Variants in UBR1 observed in about 807,000 individuals in gnomAD.
The protein encoded by UBR1 is E3 ubiquitin-protein ligase UBR1.
A neutral mutation model predicts 242.1 loss-of-function variants in UBR1; 102 were observed. The observed-to-expected ratio is 0.42, with a 90% CI of 0.36 to 0.50. UBR1 has a LOEUF of 0.50. UBR1 is among the 20% of genes least tolerant of loss of function. The pLI, the probability that UBR1 is intolerant of heterozygous loss-of-function variation, is 0.01. For synonymous variants in UBR1, 675 were observed against 684.8 expected (o/e 0.99, Z 0.22); for missense variants, 1,772 against 2,101.8 (o/e 0.84, Z 3.07).
intron 27 of UBR1, chr15:43,021,035 T>C (rs1473975315): frequency 7.3e-6 from 3 of 410,558 alleles, no homozygotes; most frequent in Non-Finnish European, 1.3e-5. Context: ...TAAGTGAGCA[T>C]GGCACATGGT....
chr15:43,002,380 A>G (rs1195541548), intron 32 of UBR1, among the ~76,000 whole-genome samples, 175 bp downstream of exon 32: 1 of 151,560 alleles, frequency 6.6e-6, no homozygotes, highest in East Asian at 1.9e-4. Flanking sequence ...ACACCTGGCT[A>G]ATTTTTTTTT....
At chr15:43,065,016 A>G (rs1276137100) in intron 6 of UBR1, among the ~76,000 whole-genome samples, 1 of 152,218 alleles carries the variant, frequency 6.6e-6, no homozygotes. Flanking sequence ...GACAGGGTAT[A>G]AATATATATT....
At chr15:42,959,387 A>G (rs1211350862) in intron 43 of UBR1, among the ~76,000 whole-genome samples, 1 of 152,176 alleles carries the variant, frequency 6.6e-6, no homozygotes, top group Non-Finnish European at 1.5e-5. Flanking sequence ...ATACTCAGCT[A>G]AAAATGATCT....
Position 43,070,823 on chromosome 15 carries a change from T to C in UBR1, c.631A>G (p.Lys211Glu). 1.2e-6 allele frequency: 2 copies of C among 1,613,778 alleles called. No homozygotes were observed. Among genetic ancestry groups the C allele is most frequent in the Non-Finnish European group, 1.7e-6 (2 of 1,179,978 alleles). Residue 211 changes from lysine (K) to glutamate (E), a missense_variant, in exon 5 of 47, where the codon AAA (lysine) becomes GAA (glutamate). Physicochemically the swap from Lys to Glu is moderately conservative, Grantham distance 56. This residue lies in a region of UBR1 where 734 missense variants were observed against 893.3 expected (regional missense o/e 0.82). Coordinates refer to ENST00000290650, the MANE Select transcript of UBR1 (RefSeq NM_174916.3). ...VVEMTIWEEE[K>E]ELPPELQIRE... ...ATCTGGAGTTCAGGAGGCAGTTCTTTTTCCTCTTCCCATATAGTCATTTCT... is the reference window on the plus strand; with the variant it reads ...ATCTGGAGTTCAGGAGGCAGTTCTTCTTCCTCTTCCCATATAGTCATTTCT...
At position 43,017,185 on chromosome 15, in the gene UBR1, T is replaced by C. The variant is rs762180609; in HGVS notation, c.2941-4A>G. The C allele has an allele frequency of 1.9e-6, 3 of 1,608,390 alleles. No homozygotes were observed. Among genetic ancestry groups the C allele is most frequent in the East Asian group, 4.5e-5 (2 of 44,826 alleles). On this transcript the variant is annotated splice_region_variant and splice_polypyrimidine_tract_variant and intron_variant, in intron 27 of 46. Transcript: ENST00000290650. ...ATCGCTTCACTGTGTCAAACATCTGTGAAAAACAGATGAAACGTTAAAAGA... is the reference window on the plus strand; with the variant it reads ...ATCGCTTCACTGTGTCAAACATCTGCGAAAAACAGATGAAACGTTAAAAGA...
At chr15:42,945,559 T>C (rs1358637556) in intron 46 of UBR1, 89 bp from the exon 47 acceptor site, 3 of 1,531,620 alleles carry the variant, frequency 2.0e-6, no homozygotes, top group Admixed American at 3.7e-5. Context: ...ACTCTTGAGA[T>C]GTTCCTGGAG....
At chr15:43,004,036 T>C (rs1439687312) in intron 30 of UBR1, 106 bp from the exon 31 acceptor site, 2 of 934,458 alleles carry the variant, frequency 2.1e-6, no homozygotes, top group African/African-American at 3.2e-5. Context: ...CACAATATCA[T>C]GATAGGAGGA....
At chr15:43,039,445 G>T (rs1053441277) in intron 15 of UBR1, among the ~76,000 whole-genome samples, 24 of 152,148 alleles carry the variant, frequency 1.6e-4, no homozygotes, top group African/African-American at 5.8e-4. Flanking sequence ...AAGCAATTGT[G>T]AATGGGAGTT....
rs201483496 is a variant in UBR1 at position 43,010,931 on chromosome 15, A to C, written c.3210-3647T>G. 1.4e-4 allele frequency among the ~76,000 whole-genome samples: 21 copies of C among 152,038 alleles called. No homozygotes were observed. The East Asian group carries it at 3.3e-3, about 24-fold the overall frequency. ...CTTGAACCCAGGAGGCGGAGGTTGCAGTGAGCCGAGATCACGCCACTGTAC... is the reference window on the plus strand; with the variant it reads ...CTTGAACCCAGGAGGCGGAGGTTGCCGTGAGCCGAGATCACGCCACTGTAC... On this transcript the variant is annotated intron_variant, in intron 29 of 46. Transcript: ENST00000290650.
chr15:43,093,654 A>G (rs2034128221), intron 1 of UBR1, among the ~76,000 whole-genome samples: 1 of 152,008 alleles, frequency 6.6e-6, no homozygotes, highest in Admixed American at 6.6e-5. Flanking sequence ...TGGTAGCATG[A>G]GCCTGTAGTC....
intron 35 of UBR1, among the ~76,000 whole-genome samples, chr15:42,985,864 C>T (rs993274671): frequency 2.0e-5 from 3 of 151,604 alleles, no homozygotes; most frequent in Non-Finnish European, 4.4e-5. Flanking sequence ...TGGCACATGC[C>T]TATGGTCCCA....
At chr15:43,058,555 G>C (rs1319606343) in intron 9 of UBR1, 126 bp from the exon 10 acceptor site, 3 of 626,668 alleles carry the variant, frequency 4.8e-6, no homozygotes, top group Non-Finnish European at 8.6e-6. Context: ...ACCTCAAATA[G>C]TATTTATTGT....
At chr15:43,038,071 C>A (rs939771998) in intron 16 of UBR1, 100 bp downstream of exon 16, 9 of 1,383,336 alleles carry the variant, frequency 6.5e-6, no homozygotes, top group Middle Eastern at 3.8e-4. Flanking sequence ...AATGGGAATT[C>A]CTCAGGTGGG....
chr15:43,038,925 T>C lies in UBR1; in HGVS notation c.1850-693A>G, dbSNP rs554528812. On this transcript the variant is annotated intron_variant, in intron 15 of 46. Transcript: ENST00000290650. ...GCACTTTTAACAAAAATTTTTATTTTCATTAAAAAGGTACTTTTAACAAAA... is the reference window on the plus strand; with the variant it reads ...GCACTTTTAACAAAAATTTTTATTTCCATTAAAAAGGTACTTTTAACAAAA... 7.2e-5 allele frequency among the ~76,000 whole-genome samples: 11 copies of C among 152,050 alleles called. No homozygotes were observed. The South Asian group carries it at 8.3e-4, about 11-fold the overall frequency.
intron 44 of UBR1, among the ~76,000 whole-genome samples, chr15:42,954,950 C>T (rs1002891626): frequency 2.0e-5 from 3 of 151,940 alleles, no homozygotes; most frequent in African/African-American, 7.3e-5. Context: ...GGGTGGATCA[C>T]GAGGTCAGGA....
At position 42,950,318 on chromosome 15, in the gene UBR1, G is replaced by C; in HGVS notation, c.5052C>G (p.Gly1684=). Residue 1684 remains glycine (G), a synonymous_variant, in exon 46 of 47, where the codon GGC becomes GGG. Coordinates refer to ENST00000290650, the MANE Select transcript of UBR1 (RefSeq NM_174916.3). ...CCAAGTAAGGAGCTGGATAGGCACAGCCTCTGGCTTTACCTTCAACCAGGA... is the reference window on the plus strand; with the variant it reads ...CCAAGTAAGGAGCTGGATAGGCACACCCTCTGGCTTTACCTTCAACCAGGA... ...RVVLVEGKAR[G]CAYPAPYLDE... is the part of the protein sequence containing the mutation. 6.2e-7 allele frequency: 1 copy of C among 1,614,182 alleles called. No individual in the cohort carries two copies. The highest frequency in any genetic ancestry group is 8.5e-7 in the Non-Finnish European group (1 of 1,180,038).
chr15:42,963,816 C>T (rs921574842), intron 42 of UBR1, 119 bp downstream of exon 42: 3 of 758,112 alleles, frequency 4.0e-6, no homozygotes, highest in Non-Finnish European at 4.5e-6. Context: ...TAGGAATCTC[C>T]TATACTTTTG....
At chr15:42,986,772 CA>C (rs939353381) in intron 35 of UBR1, among the ~76,000 whole-genome samples, 2 of 152,228 alleles carry the variant, frequency 1.3e-5, no homozygotes, top group African/African-American at 4.8e-5. Flanking sequence ...TCCCCACCCC[CA>C]CAGCTCCCTC....
Position 43,075,018 on chromosome 15 carries a change from A to C in UBR1, c.489T>G (p.Cys163Trp), listed in dbSNP as rs1208176018. 1 of 1,613,986 alleles carries C rather than the reference A, an allele frequency of 6.2e-7. No homozygotes were observed. Among genetic ancestry groups the C allele is most frequent in the Non-Finnish European group, 8.5e-7 (1 of 1,180,010 alleles). ...DTEAWKTGPF[C>W]VNHEPGRAGT... is the part of the protein sequence containing the mutation. Reference sequence around the variant, plus strand: ...CTGCTCTTCCAGGTTCATGATTTACACAAAAAGGGCCAGTTTTCCATGCCT... The same window carrying C: ...CTGCTCTTCCAGGTTCATGATTTACCCAAAAAGGGCCAGTTTTCCATGCCT... The change falls in exon 4 of 47, where the codon TGT becomes TGG. Residue 163 changes from cysteine to tryptophan, a missense_variant. Coordinates refer to ENST00000290650, the MANE Select transcript of UBR1 (RefSeq NM_174916.3).
Sources: gnomAD v4.1 joint callset for allele counts (sites outside exome capture counted in the v4.1 genomes callset) on GRCh38, gnomAD v4.1.1 for gene constraint, gnomAD v4.1.1 regional missense constraint, MANE v1.5 for transcripts, NCBI Gene and HGNC (gene_info 2026-07-23, HGNC 2026-07-21) for gene names.